Variants in LARP6 observed in about 807,000 individuals in gnomAD.
LARP6 encodes the protein La ribonucleoprotein 6, translational regulator.
Under a neutral mutation model 32.8 loss-of-function variants are expected in LARP6, and 18 were observed. The ratio of observed to expected loss-of-function variants is 0.55; its 90% CI spans 0.38 to 0.81. The LOEUF is 0.81. Among genes scored for constraint, LARP6 ranks in the 40% least tolerant of loss-of-function variants. The pLI is 0.00. For synonymous variants in LARP6, 289 were observed against 267.2 expected (o/e 1.08, Z -0.80); for missense variants, 598 against 663.1 (o/e 0.90, Z 1.08).
chr15:70,836,645 T>C, intron 1 of LARP6, 140 bp from the exon 2 acceptor site: 1 of 677,040 alleles, frequency 1.5e-6, no homozygotes, highest in African/African-American at 1.8e-5. Flanking sequence ...ATGCAATTAA[T>C]TAAGATGAGG....
At chr15:70,847,049 T>C (rs1408849899) in intron 1 of LARP6, among the ~76,000 whole-genome samples, 1 of 152,246 alleles carries the variant, frequency 6.6e-6, no homozygotes, top group African/African-American at 2.4e-5. Context: ...TCTTTCATTA[T>C]AGTATTACCC....
At chr15:70,848,099 A>G (rs956995926) in intron 1 of LARP6, among the ~76,000 whole-genome samples, 2 of 152,244 alleles carry the variant, frequency 1.3e-5, no homozygotes, top group Admixed American at 1.3e-4. Flanking sequence ...TTCAAAAGAT[A>G]AGGATTTTTC....
Position 70,830,238 on chromosome 15 carries a change from T to C in LARP6, c.*1814A>G, listed in dbSNP as rs2032015889. On this transcript the variant is annotated 3_prime_UTR_variant, in exon 3 of 3. Transcript: ENST00000299213. The stretch of plus-strand genomic sequence containing the variant: ...AAGCATCTTACTATCCAGATCACAA[T>C]CACCTGCTAATTTGTATAGAGCCAT... 6.6e-6 allele frequency: 1 copy of C among 152,258 alleles called. No homozygotes were observed. Among genetic ancestry groups the C allele is most frequent in the Non-Finnish European group, 1.5e-5 (1 of 68,044 alleles). The allele number at this position is 152,258 out of a possible 1,614,324, so 9.4% of individuals were successfully genotyped here. A position where few individuals can be genotyped will look rare whatever the true frequency, so the allele number is the denominator to read the frequency against.
chr15:70,843,896 T>C (rs2032302112), intron 1 of LARP6, among the ~76,000 whole-genome samples: 1 of 151,510 alleles, frequency 6.6e-6, no homozygotes, highest in African/African-American at 2.4e-5. Context: ...GCTCAGGCAA[T>C]CTGCCCACCT....
chr15:70,833,078 A>G lies in LARP6; in HGVS notation c.450T>C (p.His150=), dbSNP rs926065212. The G allele has an allele frequency of 1.2e-6, 2 of 1,614,112 alleles. No homozygotes were observed. The highest frequency in any genetic ancestry group is 1.7e-6 in the Non-Finnish European group (2 of 1,180,004). The change falls in exon 3 of 3, where the codon CAT becomes CAC. Residue 150 remains histidine, a synonymous_variant. Coordinates refer to ENST00000299213, the MANE Select transcript of LARP6 (RefSeq NM_018357.4). ...HLTRDWRTTA[H]ALKYSVVLEL... ...CAAGGACCACTGAATACTTCAAAGC[A>G]TGTGCTGTGGTTCTCCAGTCCCGTG...
At chr15:70,848,923 C>T (rs1040193773) in intron 1 of LARP6, 2 of 152,016 alleles carry the variant, frequency 1.3e-5, no homozygotes, top group African/African-American at 4.8e-5. Flanking sequence ...CATTTTTACA[C>T]ATTGTAATAC....
chr15:70,829,325 G>C lies in LARP6; in HGVS notation c.*2727C>G, dbSNP rs1019262259. On this transcript the variant is annotated 3_prime_UTR_variant, in exon 3 of 3. Transcript: ENST00000299213. The stretch of plus-strand genomic sequence containing the variant: ...GGCTAATTTTTTTGTATTTTTAGTA[G>C]AGACAGGGTTTTACCACATTAGCCA... 3.3e-5 allele frequency: 5 copies of C among 151,956 alleles called. No homozygotes were observed. The highest frequency in any genetic ancestry group is 1.2e-4 in the African/African-American group (5 of 41,340). The allele number at this position is 151,956 out of a possible 1,614,324, so 9.4% of individuals were successfully genotyped here.
rs1364841936 is a variant in LARP6, at chr15:70,854,104, G to T, written c.-16C>A. The stretch of plus-strand genomic sequence containing the variant: ...ACTGGGCCATGGCTCGCGGGACTGC[G>T]GCGCCGCCGGGGTCCTCACGCCGCA... On this transcript the variant is annotated 5_prime_UTR_variant, in exon 1 of 3. Transcript: ENST00000299213. 143 of 1,251,894 alleles carry T rather than the reference G, an allele frequency of 1.1e-4. No individual in the cohort carries two copies. The highest frequency in any genetic ancestry group is 1.8e-4 in the South Asian group (6 of 33,190). 77.5% of individuals were successfully genotyped at this position (1,251,894 alleles called of 1,614,324 possible).
intron 1 of LARP6, among the ~76,000 whole-genome samples, chr15:70,837,210 AAAC>A (rs71438503): frequency 0.47 from 71,029 of 150,860 alleles, 17,862 homozygotes; most frequent in Admixed American, 0.67. Context: ...TGTTGCTACA[AAAC>A]AACAACAACA....
chr15:70,850,985 C>A (rs1177611872), intron 1 of LARP6, among the ~76,000 whole-genome samples: 2 of 152,082 alleles, frequency 1.3e-5, no homozygotes, highest in Non-Finnish European at 2.9e-5. Flanking sequence ...AATGCCTCAA[C>A]CCAGACCATA....
intron 2 of LARP6, among the ~76,000 whole-genome samples, chr15:70,834,418 C>T (rs562655740): frequency 3.3e-5 from 5 of 152,306 alleles, no homozygotes; most frequent in South Asian, 4.1e-4. Flanking sequence ...CTGATGACTG[C>T]GGGTGCGTGT....
At chr15:70,851,650 G>A in intron 1 of LARP6, 1 of 1,613,858 alleles carries the variant, frequency 6.2e-7, no homozygotes, top group Non-Finnish European at 8.5e-7. Flanking sequence ...TATGTGCTGG[G>A]TGCTGTGCTA....
chr15:70,851,135 A>G (rs542241955), intron 1 of LARP6, among the ~76,000 whole-genome samples: 3 of 152,176 alleles, frequency 2.0e-5, no homozygotes, highest in Non-Finnish European at 4.4e-5. Flanking sequence ...CAGTTGCAAT[A>G]ATAGTGTTAG....
At position 70,832,193 on chromosome 15, in the gene LARP6, C is replaced by T. The variant is rs1336317287; in HGVS notation, c.1335G>A (p.Glu445=). ...GCAGGGGACTCGTACCGGGGCTTTT[C>T]TCCTGGGTCCCCATCTCGGCTTGGC... ...RRRQAEMGTQ[E]KSPGTSPLLS... is the part of the protein sequence containing the mutation. The change falls in exon 3 of 3, where the codon GAG becomes GAA. Residue 445 remains glutamate, a synonymous_variant. Transcript: ENST00000299213. 1 of 1,614,090 alleles carries T rather than the reference C, an allele frequency of 6.2e-7. No homozygotes were observed. The highest frequency in any genetic ancestry group is 8.5e-7 in the Non-Finnish European group (1 of 1,179,960).
At chr15:70,853,773 G>T in intron 1 of LARP6, 116 bp downstream of exon 1, 1 of 757,294 alleles carries the variant, frequency 1.3e-6, no homozygotes. Context: ...CCCCGGCGGC[G>T]GGGCTGACTC....
In LARP6 at chr15:70,836,419, A is replaced by G; in HGVS notation, c.287T>C (p.Leu96Pro). 6.2e-7 allele frequency: 1 copy of G among 1,614,154 alleles called. No homozygotes were observed. Among genetic ancestry groups the G allele is most frequent in the Non-Finnish European group, 8.5e-7 (1 of 1,180,028 alleles). The change falls in exon 2 of 3, where the codon CTG becomes CCG. Residue 96 changes from leucine to proline, a missense_variant. Physicochemically the swap from Leu to Pro is moderately conservative, Grantham distance 98. Transcript: ENST00000299213. ...KPPDEELIKK[L>P]VDQIEFYFSD... ...AAAGTAGAATTCGATCTGATCCACCAGTTTCTTGATCAACTCCTCATCCGG... is the reference window on the plus strand; with the variant it reads ...AAAGTAGAATTCGATCTGATCCACCGGTTTCTTGATCAACTCCTCATCCGG...
chr15:70,836,452 C>T lies in LARP6; in HGVS notation c.254G>A (p.Trp85Ter), dbSNP rs954324797. Residue 85 changes from tryptophan to a stop codon, truncating the protein, a stop_gained, in exon 2 of 3, where the codon TGG (tryptophan) becomes TAG (stop). Coordinates refer to ENST00000299213, the MANE Select transcript of LARP6 (RefSeq NM_018357.4). LOFTEE classifies it high-confidence loss of function. ...ENEREDLEQE[W>*]KPPDEELIKK... ...GATCAACTCCTCATCCGGGGGCTTC[C>T]ACTCCTGCTCCAGGTCCTCACGCTC... The T allele has an allele frequency of 6.2e-7, 1 of 1,614,186 alleles. No homozygotes were observed. The highest frequency in any genetic ancestry group is 1.1e-5 in the South Asian group (1 of 91,084).
chr15:70,854,008 G>A lies in LARP6; in HGVS notation c.81C>T (p.Asp27=). The change falls in exon 1 of 3, where the codon GAC becomes GAT. Residue 27 remains aspartate, a synonymous_variant. Coordinates refer to ENST00000299213, the MANE Select transcript of LARP6 (RefSeq NM_018357.4). ...QIRVAIQEAE[D]VDELEDEEEG... ...CCTCCTCGTCCTCCAACTCGTCCAC[G>A]TCCTCGGCCTCCTGGATGGCGACGC... 8 of 1,458,918 alleles carry A rather than the reference G, an allele frequency of 5.5e-6. No homozygotes were observed. The highest frequency in any genetic ancestry group is 1.3e-5 in the South Asian group (1 of 75,024). 90.4% of individuals were successfully genotyped at this position (1,458,918 alleles called of 1,614,324 possible).
intron 1 of LARP6, chr15:70,851,647 T>C (rs1170650410): frequency 2.5e-6 from 4 of 1,613,730 alleles, no homozygotes; most frequent in Non-Finnish European, 8.5e-7. Flanking sequence ...TCCTATGTGC[T>C]GGGTGCTGTG....
Sources: allele counts gnomAD v4.1 joint callset (sites outside exome capture counted in the v4.1 genomes callset), GRCh38; gene constraint gnomAD v4.1.1; transcripts MANE v1.5; gene names NCBI Gene and HGNC (gene_info 2026-07-23, HGNC 2026-07-21).